The following PRMT3 variants were observed in gnomAD, a reference collection of about 807,000 sequenced individuals.
The protein encoded by PRMT3 is protein arginine N-methyltransferase 3.
In PRMT3, 62 loss-of-function variants were observed where a neutral mutation model predicts 71.9. That is an observed-to-expected ratio of 0.86 (90% CI 0.70 to 1.07). PRMT3 has a LOEUF of 1.07. Among genes scored for constraint, PRMT3 ranks in the 50% least tolerant of loss-of-function variants. The probability of loss-of-function intolerance (pLI) is 0.00; values close to 1 mark genes in which losing one functional copy is unlikely to be tolerated. For missense variants in PRMT3, 663 were observed against 643.0 expected (o/e 1.03, Z -0.34); for synonymous variants, 213 against 220.4 (o/e 0.97, Z 0.30).
chr11:20,409,765 T>G (rs1487682613), intron 9 of PRMT3, among the ~76,000 whole-genome samples: 1 of 152,038 alleles, frequency 6.6e-6, no homozygotes, highest in East Asian at 1.9e-4. Flanking sequence ...TTCTAGTTCT[T>G]ATGATACCAT....
chr11:20,444,983 G>A lies in PRMT3; in HGVS notation c.994-7147G>A, dbSNP rs1400094370. ...GGCTTCTTTATCATTATGAAGTATTGTTCTTTGTCCCTGATAATGTTTTTA... is the reference window on the plus strand; with the variant it reads ...GGCTTCTTTATCATTATGAAGTATTATTCTTTGTCCCTGATAATGTTTTTA... On this transcript the variant is annotated intron_variant, in intron 10 of 15. Transcript: ENST00000331079. Among the ~76,000 whole-genome samples, 5 of 151,802 alleles carry A rather than the reference G, an allele frequency of 3.3e-5. No individual in the cohort carries two copies. The East Asian group carries it at 9.6e-4, about 29-fold the overall frequency.
chr11:20,447,002 G>A (rs77130584), intron 10 of PRMT3, among the ~76,000 whole-genome samples: 4,552 of 152,168 alleles, frequency 0.03, 226 homozygotes, highest in African/African-American at 0.1. Flanking sequence ...TGATAAATTA[G>A]GTGGTTAGCA....
chr11:20,408,110 GCTAT>G (rs1165366158), intron 9 of PRMT3, 78 bp downstream of exon 9: 4 of 1,012,168 alleles, frequency 4.0e-6, no homozygotes, highest in African/African-American at 3.3e-5. Context: ...GTCTTTAGTA[GCTAT>G]CTAAGGCAGA....
chr11:20,401,371 G>A (rs953861058), intron 7 of PRMT3, among the ~76,000 whole-genome samples: 13 of 152,058 alleles, frequency 8.5e-5, no homozygotes, highest in African/African-American at 3.1e-4. Flanking sequence ...TAGATAATTA[G>A]TTAATATATA....
chr11:20,492,376 AT>A (rs1187320379), intron 13 of PRMT3, among the ~76,000 whole-genome samples: 2 of 152,210 alleles, frequency 1.3e-5, no homozygotes, highest in African/African-American at 4.8e-5. Flanking sequence ...CGTGGTTTTT[AT>A]GATAATCTGT....
At chr11:20,432,715 A>G (rs1383718160) in intron 10 of PRMT3, among the ~76,000 whole-genome samples, 10 of 152,060 alleles carry the variant, frequency 6.6e-5, no homozygotes, top group Non-Finnish European at 1.3e-4. Context: ...GCATCCTTGC[A>G]TCCTTATTTT....
intron 15 of PRMT3, among the ~76,000 whole-genome samples, chr11:20,496,073 C>T (rs1851324130): frequency 6.6e-6 from 1 of 152,120 alleles, no homozygotes; most frequent in Non-Finnish European, 1.5e-5. Context: ...CAATTTTTTC[C>T]TAGGCATGTA....
At chr11:20,477,045 C>A (rs79987602) in intron 13 of PRMT3, among the ~76,000 whole-genome samples, 1,649 of 152,282 alleles carry the variant, frequency 0.011, 35 homozygotes, top group African/African-American at 0.038. Flanking sequence ...AGCACAAGAT[C>A]AAGCCCTTCC....
intron 11 of PRMT3, among the ~76,000 whole-genome samples, chr11:20,461,224 GAA>G (rs1565222230): frequency 6.6e-6 from 1 of 152,000 alleles, no homozygotes; most frequent in African/African-American, 2.4e-5. Context: ...ACTTTGCCTA[GAA>G]TACACTTTCC....
At chr11:20,441,370 A>G (rs924516601) in intron 10 of PRMT3, among the ~76,000 whole-genome samples, 13 of 151,510 alleles carry the variant, frequency 8.6e-5, no homozygotes, top group South Asian at 4.2e-4. Flanking sequence ...CAGTGGCGCA[A>G]TCTCGGCTCA....
chr11:20,493,403 C>T (rs1851256785), intron 13 of PRMT3, among the ~76,000 whole-genome samples: 1 of 152,234 alleles, frequency 6.6e-6, no homozygotes, highest in Non-Finnish European at 1.5e-5. Context: ...TAGCCCATCT[C>T]AGAACTCTGG....
intron 10 of PRMT3, 92 bp downstream of exon 10, chr11:20,426,957 A>T: frequency 2.1e-6 from 3 of 1,409,556 alleles, no homozygotes; most frequent in Non-Finnish European, 2.8e-6. Context: ...TATTTGATAC[A>T]TGGCAGAATG....
chr11:20,508,212 C>T, intron 15 of PRMT3, 92 bp from the exon 16 acceptor site: 1 of 543,866 alleles, frequency 1.8e-6, no homozygotes, highest in Non-Finnish European at 3.2e-6. Flanking sequence ...GGGAAAACAT[C>T]ACAATAAAAA....
At chr11:20,413,098 C>T (rs1191591739) in intron 9 of PRMT3, among the ~76,000 whole-genome samples, 1 of 152,110 alleles carries the variant, frequency 6.6e-6, no homozygotes, top group African/African-American at 2.4e-5. Flanking sequence ...GAAAAGCAGG[C>T]CTTTTTGTTT....
chr11:20,440,489 C>CAAAAAA (rs55801324), intron 10 of PRMT3, among the ~76,000 whole-genome samples: 43 of 115,954 alleles, frequency 3.7e-4, no homozygotes, highest in East Asian at 2.3e-3. Flanking sequence ...ACTAAAAATA[C>CAAAAAA]AAAAAAAAAA....
At position 20,401,973 on chromosome 11, in the gene PRMT3, T is replaced by C. The variant is rs1848957955; in HGVS notation, c.706-946T>C. ...ACAGGAATGTAAATCAGATAGGTGC[T>C]GATCAATGACTTTCTTAGAAAAACG... On this transcript the variant is annotated intron_variant, in intron 7 of 15. Coordinates refer to ENST00000331079, the MANE Select transcript of PRMT3 (RefSeq NM_005788.4). Among the ~76,000 whole-genome samples, 2 of 152,260 alleles carry C rather than the reference T, an allele frequency of 1.3e-5. 1 individual carries two copies. The highest frequency in any genetic ancestry group is 4.1e-4 in the South Asian group (2 of 4,836).
intron 13 of PRMT3, among the ~76,000 whole-genome samples, chr11:20,480,684 G>C (rs1046831471): frequency 5.9e-5 from 9 of 152,102 alleles, no homozygotes; most frequent in African/African-American, 2.2e-4. Flanking sequence ...TTACACAAAG[G>C]CAGTTTTAGC....
intron 9 of PRMT3, among the ~76,000 whole-genome samples, chr11:20,425,166 C>A (rs1472920055): frequency 1.3e-5 from 2 of 150,710 alleles, no homozygotes; most frequent in African/African-American, 2.4e-5. Flanking sequence ...GCAAAAGATT[C>A]GAACGAAAGA....
At chr11:20,504,735 AG>A (rs1851545823) in intron 15 of PRMT3, among the ~76,000 whole-genome samples, 2 of 151,496 alleles carry the variant, frequency 1.3e-5, no homozygotes, top group Non-Finnish European at 2.9e-5. Context: ...AGAGAGAGAG[AG>A]AGAGAGAGAG....
Sources: gnomAD v4.1 joint callset for allele counts (sites outside exome capture counted in the v4.1 genomes callset) on GRCh38, gnomAD v4.1.1 for gene constraint, MANE v1.5 for transcripts, NCBI Gene and HGNC (gene_info 2026-07-23, HGNC 2026-07-21) for gene names.